Variants in PLCB1 observed in about 807,000 individuals in gnomAD.
PLCB1 encodes 1-phosphatidylinositol 4,5-bisphosphate phosphodiesterase beta-1.
A neutral mutation model predicts 161.8 loss-of-function variants in PLCB1; 46 were observed. That is an observed-to-expected ratio of 0.28 (90% confidence interval 0.22 to 0.36). The LOEUF (loss-of-function observed/expected upper bound fraction) is 0.36. Among genes scored for constraint, PLCB1 ranks in the 10% least tolerant of loss-of-function variants. PLCB1 has a pLI of 1.00. For missense variants in PLCB1, 1,016 were observed against 1,472.5 expected (o/e 0.69, Z 5.07); for synonymous variants, 517 against 503.7 (o/e 1.03, Z -0.35).
intron 21 of PLCB1, 55 bp from the exon 22 acceptor site, chr20:8,740,289 A>G: frequency 6.4e-6 from 6 of 930,792 alleles, no homozygotes; most frequent in Middle Eastern, 2.1e-4. Context: ...GCGCATAATT[A>G]TAACTAACAT....
chr20:8,508,130 G>C (rs1179387449), intron 3 of PLCB1, among the ~76,000 whole-genome samples: 1 of 152,150 alleles, frequency 6.6e-6, no homozygotes, highest in Non-Finnish European at 1.5e-5. Context: ...GTGAAAATTG[G>C]GCTTTTATTG....
chr20:8,401,230 C>G (rs746436682), intron 3 of PLCB1, among the ~76,000 whole-genome samples: 1 of 152,032 alleles, frequency 6.6e-6, no homozygotes. Flanking sequence ...CTCACTGTTT[C>G]GTAAGATATT....
chr20:8,772,499 A>T (rs866355350), intron 26 of PLCB1, among the ~76,000 whole-genome samples: 9 of 152,090 alleles, frequency 5.9e-5, no homozygotes, highest in African/African-American at 1.9e-4. Flanking sequence ...TAAGCTGGTG[A>T]TGGGTATACC....
chr20:8,513,967 A>C (rs1983999784), intron 3 of PLCB1, among the ~76,000 whole-genome samples: 1 of 152,006 alleles, frequency 6.6e-6, no homozygotes, highest in South Asian at 2.1e-4. Context: ...TTGAGGCTGC[A>C]GTGAGCCAAG....
intron 3 of PLCB1, among the ~76,000 whole-genome samples, chr20:8,591,518 T>A (rs1320422443): frequency 6.6e-6 from 1 of 152,208 alleles, no homozygotes; most frequent in Non-Finnish European, 1.5e-5. Flanking sequence ...TGACTTCCTA[T>A]GGTACAATTT....
chr20:8,697,450 T>C (rs1990607788), intron 10 of PLCB1, among the ~76,000 whole-genome samples, 176 bp from the exon 11 acceptor site: 1 of 152,186 alleles, frequency 6.6e-6, no homozygotes, highest in African/African-American at 2.4e-5. Context: ...TACTACAGAT[T>C]CTATTTGAAA....
At chr20:8,438,975 A>G (rs1980429039) in intron 3 of PLCB1, among the ~76,000 whole-genome samples, 1 of 152,154 alleles carries the variant, frequency 6.6e-6, no homozygotes, top group Non-Finnish European at 1.5e-5. Flanking sequence ...TCGGCAGGGA[A>G]TTCAGAGGGA....
chr20:8,521,242 G>A (rs912815615), intron 3 of PLCB1, among the ~76,000 whole-genome samples: 2 of 151,752 alleles, frequency 1.3e-5, no homozygotes, highest in African/African-American at 4.8e-5. Context: ...ATTCAGTGAG[G>A]CCCTCCTTCT....
intron 2 of PLCB1, among the ~76,000 whole-genome samples, chr20:8,330,499 GTCC>G (rs1303129853): frequency 2.0e-5 from 3 of 152,184 alleles, no homozygotes; most frequent in Non-Finnish European, 4.4e-5. Context: ...TGAGTAATCA[GTCC>G]TCCTTTCACT....
intron 2 of PLCB1, among the ~76,000 whole-genome samples, chr20:8,313,262 G>C (rs1984489514): frequency 6.6e-6 from 1 of 152,126 alleles, no homozygotes; most frequent in South Asian, 2.1e-4. Context: ...CATAGACTGG[G>C]CTCAGCTGGC....
intron 3 of PLCB1, among the ~76,000 whole-genome samples, chr20:8,498,161 G>A (rs552234700): frequency 2.0e-5 from 3 of 152,190 alleles, no homozygotes; most frequent in South Asian, 4.1e-4. Flanking sequence ...GCAGTGGCAC[G>A]ATCTCAGCTC....
intron 2 of PLCB1, among the ~76,000 whole-genome samples, chr20:8,370,429 T>A (rs56208176): frequency 0.016 from 2,449 of 152,290 alleles, 69 homozygotes; most frequent in African/African-American, 0.056. Context: ...CCACTGTACC[T>A]GCACCTTTGC....
rs557734800 is a variant in PLCB1, at chr20:8,508,862, A to G, written c.247-119432A>G. Among the ~76,000 whole-genome samples the G allele has an allele frequency of 7.9e-5, 12 of 152,318 alleles. No homozygotes were observed. In the South Asian group the frequency reaches 2.3e-3, roughly 29 times the overall value. ...GAACAGTAACCTCAGCTATTGTATA[A>G]AAGTGAAACCAACAAAAGATTTTTT... On this transcript the variant is annotated intron_variant, in intron 3 of 31. Transcript: ENST00000338037.
At chr20:8,690,872 T>G (rs895994871) in intron 10 of PLCB1, among the ~76,000 whole-genome samples, 2 of 152,194 alleles carry the variant, frequency 1.3e-5, no homozygotes, top group African/African-American at 4.8e-5. Flanking sequence ...ATTTGTGAGG[T>G]TAGAAGCAAG....
At chr20:8,642,895 A>G (rs1989001914) in intron 4 of PLCB1, among the ~76,000 whole-genome samples, 1 of 152,248 alleles carries the variant, frequency 6.6e-6, no homozygotes. Context: ...GGAGCTAGAA[A>G]TGTCTAAAGC....
intron 31 of PLCB1, among the ~76,000 whole-genome samples, chr20:8,834,900 A>C (rs1986216789): frequency 6.6e-6 from 1 of 151,606 alleles, no homozygotes; most frequent in Non-Finnish European, 1.5e-5. Flanking sequence ...CAGGCAGGAG[A>C]ATTCTTTCTT....
intron 3 of PLCB1, among the ~76,000 whole-genome samples, chr20:8,511,989 A>C (rs560892800): frequency 5.3e-5 from 8 of 152,302 alleles, no homozygotes; most frequent in Admixed American, 5.2e-4. Context: ...TCTTCAGCAC[A>C]GAAATGGACA....
At chr20:8,781,050 C>T (rs1007566602) in intron 27 of PLCB1, among the ~76,000 whole-genome samples, 1 of 150,090 alleles carries the variant, frequency 6.7e-6, no homozygotes, top group Non-Finnish European at 1.5e-5. Context: ...TGAATGATTT[C>T]TACCAGCACT....
intron 2 of PLCB1, among the ~76,000 whole-genome samples, chr20:8,298,523 T>C (rs1000936272): frequency 3.3e-5 from 5 of 152,004 alleles, no homozygotes; most frequent in Admixed American, 2.6e-4. Flanking sequence ...TGCTTTAAAG[T>C]AAATATACTG....
Sources: gnomAD v4.1 joint callset for allele counts (sites outside exome capture counted in the v4.1 genomes callset) on GRCh38, gnomAD v4.1.1 for gene constraint, MANE v1.5 for transcripts, NCBI Gene and HGNC (gene_info 2026-07-23, HGNC 2026-07-21) for gene names.